GRIA4: variants seen among roughly 807,000 people sequenced by gnomAD.
GRIA4 encodes the protein glutamate ionotropic receptor AMPA type subunit 4.
GRIA4 carries 34 observed loss-of-function variants against 104.0 expected under a neutral mutation model. The ratio of observed to expected loss-of-function variants is 0.33; its 90% CI spans 0.25 to 0.44. The LOEUF (loss-of-function observed/expected upper bound fraction) is 0.44, where lower values mean the gene tolerates loss of function less well. GRIA4 is among the 20% of genes least tolerant of loss of function. GRIA4 has a pLI of 1.00. For synonymous variants in GRIA4, 386 were observed against 381.9 expected, an observed-to-expected ratio of 1.01 and a Z score of -0.13; for missense variants, 750 against 1,096.5, an observed-to-expected ratio of 0.68 and a Z score of 4.46.
chr11:105,911,785 T>TG, intron 10 of GRIA4: 1 of 160,596 alleles, frequency 6.2e-6, no homozygotes, highest in Non-Finnish European at 1.3e-5. Flanking sequence ...AATATATATA[T>TG]ATATATATAT....
chr11:105,753,548 G>T (rs953013621), intron 4 of GRIA4, among the ~76,000 whole-genome samples: 1 of 152,158 alleles, frequency 6.6e-6, no homozygotes, highest in Non-Finnish European at 1.5e-5. Context: ...TCACCAACAT[G>T]TGTGGAGGTT....
intron 3 of GRIA4, among the ~76,000 whole-genome samples, chr11:105,684,126 G>A (rs1025729651): frequency 1.3e-5 from 2 of 151,928 alleles, no homozygotes; most frequent in Non-Finnish European, 2.9e-5. Context: ...CACCCGCCTC[G>A]GCCTCCCAAA....
chr11:105,720,851 C>G (rs974854803), intron 3 of GRIA4, among the ~76,000 whole-genome samples: 81 of 152,228 alleles, frequency 5.3e-4, no homozygotes, highest in African/African-American at 1.8e-3. Context: ...ATAGTGTCCC[C>G]CAGTCCCCCT....
chr11:105,690,665 T>C (rs912143118), intron 3 of GRIA4, among the ~76,000 whole-genome samples: 7 of 152,216 alleles, frequency 4.6e-5, no homozygotes, highest in African/African-American at 1.4e-4. Context: ...AACAGAAATA[T>C]GTAAATATCT....
At position 105,714,391 on chromosome 11, in the gene GRIA4, C is replaced by A. The variant is rs142885669; in HGVS notation, c.248-38590C>A. ...TTAATATTTTAACAATCTGATATCACTTTGAGATAATTTGGTTGAATGCTT... is the reference window on the plus strand; with the variant it reads ...TTAATATTTTAACAATCTGATATCAATTTGAGATAATTTGGTTGAATGCTT... On this transcript the variant is annotated intron_variant, in intron 3 of 16. Coordinates refer to ENST00000282499, the MANE Select transcript of GRIA4 (RefSeq NM_000829.4). Among the ~76,000 whole-genome samples the A allele has an allele frequency of 3.0e-3, 454 of 152,122 alleles. 7 individuals carry two copies. The highest frequency in any genetic ancestry group is 0.011 in the African/African-American group (446 of 41,520).
intron 3 of GRIA4, among the ~76,000 whole-genome samples, chr11:105,712,332 A>T (rs76806403): frequency 0.038 from 5,142 of 133,638 alleles, 195 homozygotes; most frequent in African/African-American, 0.1. Context: ...CTCTGTGTAT[A>T]AAAAGAGAAA....
intron 14 of GRIA4, among the ~76,000 whole-genome samples, chr11:105,964,095 T>C (rs1948802885): frequency 6.6e-6 from 1 of 152,130 alleles, no homozygotes; most frequent in Non-Finnish European, 1.5e-5. Flanking sequence ...ATTCCTTTTT[T>C]CCCAGCAGAA....
intron 3 of GRIA4, among the ~76,000 whole-genome samples, chr11:105,641,080 G>T (rs1349454796): frequency 6.6e-6 from 1 of 151,962 alleles, no homozygotes; most frequent in Non-Finnish European, 1.5e-5. Flanking sequence ...ATGTTTATGA[G>T]AATGTTTATC....
At chr11:105,739,377 T>G (rs1234022548) in intron 3 of GRIA4, among the ~76,000 whole-genome samples, 1 of 152,222 alleles carries the variant, frequency 6.6e-6, no homozygotes, top group Non-Finnish European at 1.5e-5. Context: ...TGTGCAGGAC[T>G]GTACAAGTGC....
intron 3 of GRIA4, among the ~76,000 whole-genome samples, chr11:105,670,808 G>T (rs1952337293): frequency 6.6e-6 from 1 of 152,216 alleles, no homozygotes; most frequent in Non-Finnish European, 1.5e-5. Flanking sequence ...CACAAATGTA[G>T]TGCTTAAAAC....
intron 4 of GRIA4, among the ~76,000 whole-genome samples, chr11:105,760,923 A>G (rs1940605446): frequency 6.6e-6 from 1 of 152,038 alleles, no homozygotes; most frequent in African/African-American, 2.4e-5. Context: ...TTTATTTCTG[A>G]TTTTTAGCTG....
intron 5 of GRIA4, among the ~76,000 whole-genome samples, chr11:105,886,479 A>C (rs1591396831): frequency 3.5e-5 from 5 of 142,758 alleles, no homozygotes; most frequent in African/African-American, 7.8e-5. Context: ...AACCATTCCC[A>C]CCTCCCTCCC....
chr11:105,667,574 A>T (rs1048620486), intron 3 of GRIA4, among the ~76,000 whole-genome samples: 2 of 152,028 alleles, frequency 1.3e-5, no homozygotes, highest in African/African-American at 2.4e-5. Flanking sequence ...TTACTTTTCA[A>T]ATACAAGAGG....
In GRIA4 at chr11:105,980,781, G is replaced by C. The variant is rs1859224386; in HGVS notation, c.*1042G>C. 1 of 152,640 alleles carries C rather than the reference G, an allele frequency of 6.6e-6. No individual in the cohort carries two copies. Among genetic ancestry groups the C allele is most frequent in the South Asian group, 2.1e-4 (1 of 4,834 alleles). The allele number at this position is 152,640 out of a possible 1,614,324, so 9.5% of individuals were successfully genotyped here. ...TGAGAAATTATAAGACTATAAGAGA[G>C]ATTGTATTAGTGGTGGGCCATAGTG... On this transcript the variant is annotated 3_prime_UTR_variant, in exon 17 of 17. Transcript: ENST00000282499.
intron 3 of GRIA4, among the ~76,000 whole-genome samples, chr11:105,716,507 A>G (rs1229121554): frequency 2.0e-5 from 3 of 152,154 alleles, no homozygotes; most frequent in Admixed American, 1.3e-4. Context: ...CTGAAAACCT[A>G]AATTATCTAA....
chr11:105,845,695 A>G (rs1944563071), intron 4 of GRIA4, among the ~76,000 whole-genome samples: 1 of 152,118 alleles, frequency 6.6e-6, no homozygotes, highest in Non-Finnish European at 1.5e-5. Context: ...CATCCTGGCT[A>G]ATACGGTGAA....
intron 3 of GRIA4, among the ~76,000 whole-genome samples, chr11:105,721,795 T>C (rs190922027): frequency 2.2e-4 from 34 of 152,274 alleles, no homozygotes; most frequent in African/African-American, 7.7e-4. Context: ...TCATCAATAT[T>C]GGGCATGAGG....
intron 4 of GRIA4, among the ~76,000 whole-genome samples, chr11:105,805,253 T>G (rs1051883681): frequency 2.0e-5 from 3 of 151,676 alleles, no homozygotes; most frequent in African/African-American, 7.3e-5. Flanking sequence ...CACTCAGTAT[T>G]AGCTAATTAA....
intron 4 of GRIA4, among the ~76,000 whole-genome samples, chr11:105,783,976 G>T (rs1406384332): frequency 1.3e-5 from 2 of 152,170 alleles, no homozygotes; most frequent in Admixed American, 6.5e-5. Flanking sequence ...GAATAGACTT[G>T]TTTGTAAGCC....
Sources: gnomAD v4.1 joint callset for allele counts (sites outside exome capture counted in the v4.1 genomes callset) on GRCh38, gnomAD v4.1.1 for gene constraint, MANE v1.5 for transcripts, NCBI Gene and HGNC (gene_info 2026-07-23, HGNC 2026-07-21) for gene names.